DOCK3: variants seen among roughly 807,000 people sequenced by gnomAD.
The protein encoded by DOCK3 is dedicator of cytokinesis protein 3.
Under a neutral mutation model 265.6 loss-of-function variants are expected in DOCK3, and 60 were observed. The observed-to-expected ratio is 0.23, with a 90% CI of 0.18 to 0.28. DOCK3 has a LOEUF of 0.28. Among genes scored for constraint, DOCK3 ranks in the 10% least tolerant of loss-of-function variants. The probability of loss-of-function intolerance (pLI) is 1.00; values close to 1 mark genes in which losing one functional copy is unlikely to be tolerated. For synonymous variants in DOCK3, 881 were observed against 938.0 expected (o/e 0.94, Z 1.11); for missense variants, 1,981 against 2,594.3 (o/e 0.76, Z 5.14).
chr3:51,057,008 A>G (rs901302619), intron 5 of DOCK3, among the ~76,000 whole-genome samples: 1 of 152,224 alleles, frequency 6.6e-6, no homozygotes, highest in Admixed American at 6.5e-5. Flanking sequence ...TGCTGTGTTT[A>G]TATTAATTGG....
chr3:51,042,873 G>A (rs1223473284), intron 5 of DOCK3, among the ~76,000 whole-genome samples: 1 of 152,076 alleles, frequency 6.6e-6, no homozygotes, highest in African/African-American at 2.4e-5. Context: ...ACACCTAGGA[G>A]TACAGCTAAT....
intron 1 of DOCK3, among the ~76,000 whole-genome samples, chr3:50,714,608 T>G (rs2036981533): frequency 6.6e-6 from 1 of 152,098 alleles, no homozygotes; most frequent in Admixed American, 6.6e-5. Flanking sequence ...TGCCAGCACA[T>G]CTGGCTAATT....
intron 27 of DOCK3, among the ~76,000 whole-genome samples, chr3:51,295,148 G>A (rs1316661320): frequency 6.6e-6 from 1 of 152,212 alleles, no homozygotes. Flanking sequence ...AGGAATACCT[G>A]AGGCTGATTA....
At chr3:51,270,085 A>T (rs2080419674) in intron 23 of DOCK3, among the ~76,000 whole-genome samples, 1 of 152,308 alleles carries the variant, frequency 6.6e-6, no homozygotes, top group South Asian at 2.1e-4. Context: ...GGTCTGCCAG[A>T]GCTTACATCC....
chr3:50,999,409 C>G (rs186725720), intron 5 of DOCK3, among the ~76,000 whole-genome samples: 73 of 152,288 alleles, frequency 4.8e-4, no homozygotes, highest in Non-Finnish European at 8.8e-4. Context: ...CCAGCCCTTG[C>G]TCTTACTCAA....
chr3:51,323,158 A>G (rs1255216958), intron 32 of DOCK3, among the ~76,000 whole-genome samples: 1 of 152,190 alleles, frequency 6.6e-6, no homozygotes, highest in Non-Finnish European at 1.5e-5. Flanking sequence ...AGCACTAACT[A>G]TCCTAAATAT....
intron 4 of DOCK3, among the ~76,000 whole-genome samples, chr3:50,920,736 G>A (rs1271805602): frequency 2.6e-5 from 4 of 152,232 alleles, no homozygotes; most frequent in South Asian, 2.1e-4. Context: ...GGTTTTTTGT[G>A]TGTCTATCTC....
intron 1 of DOCK3, among the ~76,000 whole-genome samples, chr3:50,711,686 C>T (rs1300859182): frequency 6.6e-6 from 1 of 152,070 alleles, no homozygotes; most frequent in East Asian, 1.9e-4. Flanking sequence ...GTAATACTGG[C>T]CCCATATAAT....
chr3:50,735,461 C>T (rs1359687370), intron 1 of DOCK3, among the ~76,000 whole-genome samples: 1 of 152,172 alleles, frequency 6.6e-6, no homozygotes, highest in Non-Finnish European at 1.5e-5. Flanking sequence ...CTGCCTCAGC[C>T]TCCCAAGTAG....
At chr3:50,839,165 T>A (rs913673870) in intron 2 of DOCK3, among the ~76,000 whole-genome samples, 1 of 152,208 alleles carries the variant, frequency 6.6e-6, no homozygotes, top group Non-Finnish European at 1.5e-5. Context: ...GCTTGTTAGC[T>A]CATTTCTTTT....
At chr3:51,063,749 A>G (rs1202209830) in intron 5 of DOCK3, among the ~76,000 whole-genome samples, 1 of 152,186 alleles carries the variant, frequency 6.6e-6, no homozygotes, top group East Asian at 1.9e-4. Context: ...TTCTCATGAC[A>G]CTTATATTTT....
intron 6 of DOCK3, among the ~76,000 whole-genome samples, chr3:51,073,900 TTTTTA>T (rs767831473): frequency 2.6e-5 from 4 of 152,236 alleles, no homozygotes; most frequent in Non-Finnish European, 5.9e-5. Context: ...TGATTTTCCA[TTTTTA>T]TTTTATCAAT....
chr3:50,942,329 C>G (rs1478924972), intron 5 of DOCK3, among the ~76,000 whole-genome samples: 3 of 151,786 alleles, frequency 2.0e-5, no homozygotes, highest in Non-Finnish European at 4.4e-5. Context: ...CATAGATGGT[C>G]ACAAAAATTT....
chr3:51,257,190 A>T (rs534025149), intron 22 of DOCK3, among the ~76,000 whole-genome samples: 1 of 152,312 alleles, frequency 6.6e-6, no homozygotes, highest in East Asian at 1.9e-4. Context: ...TCCAACACTA[A>T]GGTTTTATCA....
intron 4 of DOCK3, among the ~76,000 whole-genome samples, chr3:50,891,980 C>T (rs2048664866): frequency 6.6e-6 from 1 of 152,010 alleles, no homozygotes; most frequent in Non-Finnish European, 1.5e-5. Flanking sequence ...ACAGAGCAGC[C>T]ATATTTGCTG....
chr3:50,785,056 C>G (rs989057093), intron 2 of DOCK3, among the ~76,000 whole-genome samples: 1 of 152,142 alleles, frequency 6.6e-6, no homozygotes. Flanking sequence ...ACTTGGGAGG[C>G]TGAGCCAGGA....
At chr3:51,073,816 T>C (rs972104856) in intron 6 of DOCK3, among the ~76,000 whole-genome samples, 1 of 152,214 alleles carries the variant, frequency 6.6e-6, no homozygotes, top group Admixed American at 6.5e-5. Context: ...TAAATTTTAA[T>C]TCTTAATCCT....
At chr3:51,162,525 C>T (rs1230172003) in intron 12 of DOCK3, among the ~76,000 whole-genome samples, 1 of 152,200 alleles carries the variant, frequency 6.6e-6, no homozygotes, top group African/African-American at 2.4e-5. Context: ...TATATGCCTT[C>T]CTCCCTTTGA....
chr3:50,867,867 G>C (rs1180768862), intron 3 of DOCK3, among the ~76,000 whole-genome samples: 1 of 152,050 alleles, frequency 6.6e-6, no homozygotes, highest in Non-Finnish European at 1.5e-5. Flanking sequence ...GTTTATCAGA[G>C]ATATTGGCCT....
Sources: gnomAD v4.1 joint callset for allele counts (sites outside exome capture counted in the v4.1 genomes callset) on GRCh38, gnomAD v4.1.1 for gene constraint, MANE v1.5 for transcripts, NCBI Gene and HGNC (gene_info 2026-07-23, HGNC 2026-07-21) for gene names.